The following GRM5 variants were observed in gnomAD, a reference collection of about 807,000 sequenced individuals.
GRM5 encodes metabotropic glutamate receptor 5.
A neutral mutation model predicts 83.1 loss-of-function variants in GRM5; 19 were observed. The observed-to-expected ratio is 0.23, with a 90% CI of 0.16 to 0.34. The LOEUF (loss-of-function observed/expected upper bound fraction) is 0.34. GRM5 is among the 10% of genes least tolerant of loss of function. The probability of loss-of-function intolerance (pLI) is 1.00; values close to 1 mark genes in which losing one functional copy is unlikely to be tolerated. For synonymous variants in GRM5, 675 were observed against 633.6 expected (o/e 1.07, Z -0.98); for missense variants, 1,160 against 1,588.3 (o/e 0.73, Z 4.58).
At chr11:88,781,351 A>C (rs2387412) in intron 3 of GRM5, among the ~76,000 whole-genome samples, 1 of 152,044 alleles carries the variant, frequency 6.6e-6, no homozygotes, top group East Asian at 1.9e-4. Context: ...AACTGGAAAC[A>C]CTACATAAAT....
chr11:88,703,323 GAAT>G (rs1445825020), intron 3 of GRM5, among the ~76,000 whole-genome samples: 1 of 151,994 alleles, frequency 6.6e-6, no homozygotes, highest in Non-Finnish European at 1.5e-5. Context: ...ATACTCTAAA[GAAT>G]AATAATTGCA....
chr11:88,596,780 CAT>C (rs958866121), intron 6 of GRM5, among the ~76,000 whole-genome samples: 4 of 152,112 alleles, frequency 2.6e-5, no homozygotes, highest in African/African-American at 4.8e-5. Flanking sequence ...TATTTTCTCA[CAT>C]AGACTGTAAG....
chr11:88,643,292 A>G (rs572693742), intron 4 of GRM5, among the ~76,000 whole-genome samples: 1 of 152,120 alleles, frequency 6.6e-6, no homozygotes, highest in Admixed American at 6.5e-5. Context: ...AGATCTGGTG[A>G]GAACTCATTC....
chr11:88,837,636 G>T (rs1259197231), intron 3 of GRM5, among the ~76,000 whole-genome samples: 1 of 152,180 alleles, frequency 6.6e-6, no homozygotes, highest in Admixed American at 6.5e-5. Context: ...CAAAGTCCTG[G>T]GTTGGTTTCA....
chr11:88,974,376 G>GATAT (rs1341325602), intron 2 of GRM5, among the ~76,000 whole-genome samples: 1 of 94,910 alleles, frequency 1.1e-5, no homozygotes, highest in Non-Finnish European at 2.1e-5. Flanking sequence ...TGGCAATAGA[G>GATAT]ATAGATAGAT....
intron 4 of GRM5, among the ~76,000 whole-genome samples, chr11:88,627,246 T>C (rs1325712139): frequency 6.6e-6 from 1 of 152,220 alleles, no homozygotes; most frequent in Non-Finnish European, 1.5e-5. Flanking sequence ...CAAAACCACT[T>C]TACTGTGATG....
chr11:89,024,234 AT>A (rs1471115730), intron 2 of GRM5, among the ~76,000 whole-genome samples: 1 of 152,220 alleles, frequency 6.6e-6, no homozygotes, highest in Non-Finnish European at 1.5e-5. Context: ...TAATAAAGTT[AT>A]TCATCAGATA....
At chr11:88,956,785 G>A (rs674437) in intron 2 of GRM5, among the ~76,000 whole-genome samples, 72,722 of 152,012 alleles carry the variant, frequency 0.48, 17,926 homozygotes, top group South Asian at 0.65. Flanking sequence ...CGGCCTGGGC[G>A]AAAGAATGAG....
At chr11:88,986,727 C>CTTTTTTT (rs60281684) in intron 2 of GRM5, among the ~76,000 whole-genome samples, 10 of 93,112 alleles carry the variant, frequency 1.1e-4, no homozygotes, top group Non-Finnish European at 1.4e-4. Flanking sequence ...TTTATTTTTG[C>CTTTTTTT]TTTTTTTTTT....
At chr11:88,613,291 G>A (rs984687835) in intron 4 of GRM5, among the ~76,000 whole-genome samples, 10 of 152,184 alleles carry the variant, frequency 6.6e-5, no homozygotes, top group Admixed American at 6.6e-4. Context: ...GACATTGTCA[G>A]TCAGGTGTTG....
At chr11:88,536,041 T>A (rs149992243) in intron 8 of GRM5, among the ~76,000 whole-genome samples, 6 of 152,324 alleles carry the variant, frequency 3.9e-5, no homozygotes, top group Non-Finnish European at 7.4e-5. Context: ...AGAAACACCC[T>A]TGTTCATTTC....
At chr11:88,618,561 T>C (rs780015063) in intron 4 of GRM5, among the ~76,000 whole-genome samples, 1 of 151,342 alleles carries the variant, frequency 6.6e-6, no homozygotes, top group Non-Finnish European at 1.5e-5. Context: ...GACACTGTGC[T>C]GGATGCTGCT....
chr11:88,763,758 T>A (rs559303879), intron 3 of GRM5, among the ~76,000 whole-genome samples: 1 of 151,888 alleles, frequency 6.6e-6, no homozygotes, highest in Non-Finnish European at 1.5e-5. Flanking sequence ...CTATAGAGTA[T>A]CTACAAAAAT....
intron 1 of GRM5, among the ~76,000 whole-genome samples, chr11:89,063,177 T>A (rs543472498): frequency 6.6e-6 from 1 of 152,330 alleles, no homozygotes; most frequent in South Asian, 2.1e-4. Flanking sequence ...ACACTCTGCA[T>A]TCGAAACCAC....
intron 3 of GRM5, among the ~76,000 whole-genome samples, chr11:88,708,617 A>G (rs1333654867): frequency 3.9e-5 from 6 of 152,116 alleles, no homozygotes; most frequent in Admixed American, 3.3e-4. Flanking sequence ...ATCACATTAG[A>G]CAATGTATGT....
chr11:88,963,833 A>T (rs1419861363), intron 2 of GRM5, among the ~76,000 whole-genome samples: 4 of 151,912 alleles, frequency 2.6e-5, no homozygotes, highest in African/African-American at 9.7e-5. Context: ...AAAGCTGAAA[A>T]CTCTCAGTAC....
chr11:88,594,572 A>G (rs1177399120), intron 6 of GRM5, among the ~76,000 whole-genome samples: 1 of 152,068 alleles, frequency 6.6e-6, no homozygotes, highest in South Asian at 2.1e-4. Context: ...GCTGTATACC[A>G]TAATAAGACA....
chr11:88,780,503 C>T (rs1391307930), intron 3 of GRM5, among the ~76,000 whole-genome samples: 3 of 151,868 alleles, frequency 2.0e-5, no homozygotes, highest in African/African-American at 7.3e-5. Context: ...TCAATCTTCT[C>T]AACTGAAAAA....
chr11:88,688,602 A>G (rs1940704674), intron 3 of GRM5, among the ~76,000 whole-genome samples: 1 of 152,202 alleles, frequency 6.6e-6, no homozygotes, highest in South Asian at 2.1e-4. Context: ...AGATCTGGCT[A>G]GAAATTTTTT....
Sources: allele counts gnomAD v4.1 joint callset (sites outside exome capture counted in the v4.1 genomes callset), GRCh38; gene constraint gnomAD v4.1.1; transcripts MANE v1.5; gene names NCBI Gene and HGNC (gene_info 2026-07-23, HGNC 2026-07-21).